Variants in UBE2E2 observed in about 807,000 individuals in gnomAD.
UBE2E2 encodes the protein ubiquitin-conjugating enzyme E2 E2.
In UBE2E2, 6 loss-of-function variants were observed where a neutral mutation model predicts 24.7. The observed-to-expected ratio is 0.24, with a 90% CI of 0.13 to 0.48. The LOEUF (loss-of-function observed/expected upper bound fraction) is 0.48. Among genes scored for constraint, UBE2E2 ranks in the 20% least tolerant of loss-of-function variants. UBE2E2 has a pLI of 0.99. For missense variants in UBE2E2, 169 were observed against 245.0 expected (o/e 0.69, Z 2.07); for synonymous variants, 104 against 83.6 (o/e 1.24, Z -1.33).
chr3:23,295,920 A>G (rs566928889), intron 3 of UBE2E2, among the ~76,000 whole-genome samples: 2 of 152,208 alleles, frequency 1.3e-5, no homozygotes, highest in African/African-American at 4.8e-5. Flanking sequence ...TCCTGCCACA[A>G]TGGTTAGAAA....
At chr3:23,340,204 G>A (rs918020790) in intron 3 of UBE2E2, among the ~76,000 whole-genome samples, 3 of 152,004 alleles carry the variant, frequency 2.0e-5, no homozygotes, top group Non-Finnish European at 2.9e-5. Flanking sequence ...ATTGTAAAGA[G>A]CCATTACTCT....
At chr3:23,483,038 G>A (rs1016729782) in intron 3 of UBE2E2, among the ~76,000 whole-genome samples, 7 of 152,150 alleles carry the variant, frequency 4.6e-5, no homozygotes, top group African/African-American at 1.7e-4. Flanking sequence ...GCACTTGTTT[G>A]TAATTCTAGT....
At chr3:23,559,468 A>G (rs1349274250) in intron 5 of UBE2E2, among the ~76,000 whole-genome samples, 2 of 152,188 alleles carry the variant, frequency 1.3e-5, no homozygotes, top group Non-Finnish European at 2.9e-5. Context: ...ACAAGTGAGA[A>G]TTAGATTTAA....
At chr3:23,480,516 G>A (rs559520419) in intron 3 of UBE2E2, among the ~76,000 whole-genome samples, 9 of 152,176 alleles carry the variant, frequency 5.9e-5, no homozygotes, top group South Asian at 2.1e-4. Flanking sequence ...AGCCCCGACC[G>A]GTTCCATGGA....
rs1439324179 is a variant in UBE2E2 at position 23,576,918 on chromosome 3, A to AT, written c.509-12814dup. Among the ~76,000 whole-genome samples, 1,058 of 136,256 alleles carry AT rather than the reference A, an allele frequency of 7.8e-3. 5 individuals are homozygous for AT. Among genetic ancestry groups the AT allele is most frequent in the African/African-American group, 0.029 (982 of 33,556 alleles). 89.4% of individuals were successfully genotyped at this position (136,256 alleles called of 152,430 possible). A position where few individuals can be genotyped will look rare whatever the true frequency, so the allele number is the denominator to read the frequency against. ...TTTGTGTTTCACATATACTGTTGTTATTGTTTTTTTTTTTTAACAAATTGA... is the reference window on the plus strand; with the variant it reads ...TTTGTGTTTCACATATACTGTTGTTATTTGTTTTTTTTTTTTAACAAATTGA... On this transcript the variant is annotated intron_variant, in intron 5 of 5. Transcript: ENST00000396703.
At chr3:23,344,315 G>C (rs1695485619) in intron 3 of UBE2E2, among the ~76,000 whole-genome samples, 1 of 152,082 alleles carries the variant, frequency 6.6e-6, no homozygotes, top group African/African-American at 2.4e-5. Context: ...TCCGACTCTT[G>C]AAAGCTTCCA....
intron 3 of UBE2E2, among the ~76,000 whole-genome samples, chr3:23,347,710 A>G (rs922067246): frequency 5.3e-5 from 8 of 152,318 alleles, no homozygotes; most frequent in Middle Eastern, 3.4e-3. Context: ...AATAATAAAT[A>G]AATTACATTT....
At chr3:23,578,730 G>C (rs1026067780) in intron 5 of UBE2E2, among the ~76,000 whole-genome samples, 1 of 152,142 alleles carries the variant, frequency 6.6e-6, no homozygotes, top group Non-Finnish European at 1.5e-5. Context: ...AATGATGAGA[G>C]TACATGGAAA....
At chr3:23,419,554 G>T (rs1697744130) in intron 3 of UBE2E2, among the ~76,000 whole-genome samples, 1 of 152,180 alleles carries the variant, frequency 6.6e-6, no homozygotes, top group Non-Finnish European at 1.5e-5. Flanking sequence ...CTTTTAATAA[G>T]TTGTGGATGT....
intron 3 of UBE2E2, among the ~76,000 whole-genome samples, chr3:23,317,143 TGTGCTGGCTCTGAGCCCAGCACGGCACTA>T (rs1174031821): frequency 1.3e-5 from 2 of 152,298 alleles, no homozygotes; most frequent in African/African-American, 4.8e-5. Flanking sequence ...TCCCCCCAAA[TGTGCTGGCTCTGAGCCCAGCACGGCACTA>T]GGACTTGCCT....
chr3:23,325,461 C>G (rs1694859770), intron 3 of UBE2E2, among the ~76,000 whole-genome samples: 2 of 152,122 alleles, frequency 1.3e-5, no homozygotes, highest in Non-Finnish European at 2.9e-5. Flanking sequence ...TAAGATTTTA[C>G]TGTTAGGATT....
intron 3 of UBE2E2, among the ~76,000 whole-genome samples, chr3:23,385,631 A>T (rs1430943123): frequency 6.6e-6 from 1 of 152,172 alleles, no homozygotes; most frequent in African/African-American, 2.4e-5. Flanking sequence ...GCCAAATCTC[A>T]TTTCCATATG....
At chr3:23,374,448 C>T (rs1195246125) in intron 3 of UBE2E2, among the ~76,000 whole-genome samples, 1 of 152,022 alleles carries the variant, frequency 6.6e-6, no homozygotes, top group Non-Finnish European at 1.5e-5. Context: ...TAATACTAAC[C>T]AACTATTGCT....
chr3:23,286,663 A>G (rs1027494419), intron 3 of UBE2E2, among the ~76,000 whole-genome samples: 1 of 151,986 alleles, frequency 6.6e-6, no homozygotes, highest in East Asian at 1.9e-4. Flanking sequence ...ACATTTTAGG[A>G]TTACTTTTTC....
At chr3:23,568,250 C>G (rs36021750) in intron 5 of UBE2E2, among the ~76,000 whole-genome samples, 11,989 of 152,210 alleles carry the variant, frequency 0.079, 583 homozygotes, top group Non-Finnish European at 0.088. Context: ...CCCACTATCA[C>G]AATTCCCTTG....
At chr3:23,388,341 G>A (rs1454871048) in intron 3 of UBE2E2, among the ~76,000 whole-genome samples, 1 of 152,080 alleles carries the variant, frequency 6.6e-6, no homozygotes, top group African/African-American at 2.4e-5. Context: ...TTAAAATATT[G>A]GCATTTGGGG....
chr3:23,226,660 G>T (rs528042375), intron 3 of UBE2E2, among the ~76,000 whole-genome samples: 2 of 152,280 alleles, frequency 1.3e-5, no homozygotes, highest in South Asian at 4.1e-4. Flanking sequence ...AAACATAAAA[G>T]GGGAGAATTT....
chr3:23,466,674 T>G (rs1284615059), intron 3 of UBE2E2, among the ~76,000 whole-genome samples: 1 of 152,116 alleles, frequency 6.6e-6, no homozygotes. Flanking sequence ...TTCAAGCGAT[T>G]CTCCTGCCTC....
At chr3:23,308,242 C>T (rs1216339995) in intron 3 of UBE2E2, among the ~76,000 whole-genome samples, 1 of 152,162 alleles carries the variant, frequency 6.6e-6, no homozygotes, top group Non-Finnish European at 1.5e-5. Flanking sequence ...TGTGTAGTAA[C>T]TAGAGCAATG....
Sources: allele counts gnomAD v4.1 joint callset (sites outside exome capture counted in the v4.1 genomes callset), GRCh38; gene constraint gnomAD v4.1.1; transcripts MANE v1.5; gene names NCBI Gene and HGNC (gene_info 2026-07-23, HGNC 2026-07-21).